The following BLOC1S3 variants were observed in gnomAD, a reference collection of about 807,000 sequenced individuals.
BLOC1S3 encodes biogenesis of lysosome-related organelles complex 1 subunit 3.
A neutral mutation model predicts 9.1 loss-of-function variants in BLOC1S3; 7 were observed. The observed-to-expected ratio is 0.77, with a 90% CI of 0.44 to 1.45. The LOEUF (loss-of-function observed/expected upper bound fraction) is 1.45. Ranked by LOEUF, BLOC1S3 falls within the 40% of genes most tolerant of loss-of-function variation. BLOC1S3 has a pLI of 0.01. For synonymous variants in BLOC1S3, 145 were observed against 158.4 expected (o/e 0.92, Z 0.64); for missense variants, 307 against 315.2 (o/e 0.97, Z 0.20).
chr19:45,201,862 T>G (rs532964908), intron 2 of BLOC1S3, among the ~76,000 whole-genome samples: 31 of 152,190 alleles, frequency 2.0e-4, no homozygotes, highest in South Asian at 1.5e-3. Flanking sequence ...TCTCATGAGA[T>G]CTGATGGCTT....
chr19:45,197,411 C>T (rs185787121), intron 2 of BLOC1S3, among the ~76,000 whole-genome samples: 3 of 148,942 alleles, frequency 2.0e-5, no homozygotes, highest in Admixed American at 6.7e-5. Flanking sequence ...CACTTGAACC[C>T]GGGAGGTGGA....
chr19:45,194,462 C>T (rs569778406), intron 2 of BLOC1S3, among the ~76,000 whole-genome samples: 20 of 152,054 alleles, frequency 1.3e-4, no homozygotes, highest in African/African-American at 3.9e-4. Context: ...CTAATACACC[C>T]GCGATCGTTC....
downstream of BLOC1S3, among the ~76,000 whole-genome samples, chr19:45,183,773 C>T (rs1029181003): frequency 2.6e-5 from 4 of 151,654 alleles, no homozygotes; most frequent in Admixed American, 6.6e-5. Context: ...ATTATAGGCA[C>T]GTGCCACCAT....
chr19:45,185,747 C>T (rs545307379), downstream of BLOC1S3, among the ~76,000 whole-genome samples: 23 of 151,770 alleles, frequency 1.5e-4, no homozygotes, highest in African/African-American at 5.6e-4. Context: ...GGCTTTGTCC[C>T]AAGGGCCCTG....
chr19:45,179,534 C>A lies in BLOC1S3; in HGVS notation c.238C>A (p.Leu80Met). 6.6e-7 allele frequency: 1 copy of A among 1,522,932 alleles called. No homozygotes were observed. The highest frequency in any genetic ancestry group is 8.8e-7 in the Non-Finnish European group (1 of 1,142,560). The allele number at this position is 1,522,932 out of a possible 1,614,324, so 94.3% of individuals were successfully genotyped here. ...EPEPTAAPRD[L>M]PPLVVQRESA... is the part of the protein sequence containing the mutation. ...GGAACCGACGGCCGCGCCGAGGGAC[C>A]TGCCTCCACTCGTGGTGCAGCGGGA... The change falls in exon 2 of 2, where the codon CTG (leucine) becomes ATG (methionine). Residue 80 changes from leucine (L) to methionine (M), a missense_variant. Leu to Met is a conservative substitution (Grantham distance 15). Coordinates refer to ENST00000433642, the MANE Select transcript of BLOC1S3 (RefSeq NM_212550.5). This position sits in a 1 kb window ranked among gnomAD's most constrained non-coding sequence, Gnocchi z 4.6.
At chr19:45,194,789 G>C (rs568723500) in intron 2 of BLOC1S3, among the ~76,000 whole-genome samples, 58 of 152,294 alleles carry the variant, frequency 3.8e-4, no homozygotes, top group Non-Finnish European at 1.5e-5. Context: ...CAGGACAGCA[G>C]TTAATTGGGG....
At chr19:45,193,475 G>A (rs1051406791) in intron 2 of BLOC1S3, among the ~76,000 whole-genome samples, 2 of 151,940 alleles carry the variant, frequency 1.3e-5, no homozygotes, top group Admixed American at 6.6e-5. Context: ...TAAGACAGTC[G>A]ATGATGTCTG....
intron 2 of BLOC1S3, among the ~76,000 whole-genome samples, chr19:45,200,326 C>T (rs1055895986): frequency 2.6e-5 from 4 of 152,036 alleles, no homozygotes; most frequent in South Asian, 2.1e-4. Flanking sequence ...GGACTACAGG[C>T]GCCTACCACC....
chr19:45,186,283 T>A (rs1277193076), downstream of BLOC1S3, among the ~76,000 whole-genome samples: 1 of 152,174 alleles, frequency 6.6e-6, no homozygotes, highest in Admixed American at 6.5e-5. Flanking sequence ...ACACTTGAAT[T>A]ATTGGACTTC....
chr19:45,207,555 CAAAAAAAAA>C (rs58164218), intron 3 of BLOC1S3, among the ~76,000 whole-genome samples: 7 of 64,786 alleles, frequency 1.1e-4, no homozygotes, highest in South Asian at 9.5e-4. Flanking sequence ...GACTCTGTCT[CAAAAAAAAA>C]AAAAAAAAAA....
At chr19:45,184,903 CA>C (rs71338752), downstream of BLOC1S3, among the ~76,000 whole-genome samples, 6,385 of 47,716 alleles carry the variant, frequency 0.13, 13 homozygotes, top group Non-Finnish European at 0.2. Flanking sequence ...CTGTCTCAAA[CA>C]AAAAAAAAAA....
chr19:45,185,983 T>G (rs191807023), downstream of BLOC1S3, among the ~76,000 whole-genome samples: 1 of 152,098 alleles, frequency 6.6e-6, no homozygotes, highest in East Asian at 1.9e-4. Context: ...CGTGGTGGTG[T>G]GCACCTGTAA....
chr19:45,208,853 T>C (rs1386986214), intron 3 of BLOC1S3, among the ~76,000 whole-genome samples: 10 of 150,646 alleles, frequency 6.6e-5, no homozygotes, highest in Admixed American at 6.6e-4. Flanking sequence ...TAAAACTCAA[T>C]GAAAAAAAAT....
chr19:45,209,255 G>A (rs1406477538), intron 3 of BLOC1S3, among the ~76,000 whole-genome samples: 1 of 151,748 alleles, frequency 6.6e-6, no homozygotes, highest in Non-Finnish European at 1.5e-5. Context: ...CACCATGTTG[G>A]CCAGGCTGGT....
chr19:45,193,690 C>A (rs1349434644), intron 2 of BLOC1S3, among the ~76,000 whole-genome samples: 1 of 150,800 alleles, frequency 6.6e-6, no homozygotes, highest in Non-Finnish European at 1.5e-5. Flanking sequence ...TTTTGCTTGT[C>A]AAGGGCTAGA....
intron 2 of BLOC1S3, among the ~76,000 whole-genome samples, chr19:45,201,990 G>A (rs549017428): frequency 9.1e-4 from 138 of 152,068 alleles, no homozygotes; most frequent in African/African-American, 3.0e-3. Flanking sequence ...TTGGGAGGCC[G>A]AGGCGGGTGG....
intron 3 of BLOC1S3, chr19:45,215,922 TTAA>T (rs1969828592): frequency 9.0e-7 from 1 of 1,112,294 alleles, no homozygotes; most frequent in African/African-American, 1.6e-5. Flanking sequence ...GGAAATCTTA[TTAA>T]TAATGCCCTG....
At chr19:45,199,230 T>C (rs1033994006) in intron 2 of BLOC1S3, among the ~76,000 whole-genome samples, 3 of 151,978 alleles carry the variant, frequency 2.0e-5, no homozygotes, top group African/African-American at 7.2e-5. Context: ...CCAATCTCTC[T>C]ACTTTCTCTT....
downstream of BLOC1S3, among the ~76,000 whole-genome samples, chr19:45,182,741 C>T (rs535248944): frequency 1.3e-5 from 2 of 152,102 alleles, no homozygotes; most frequent in Non-Finnish European, 2.9e-5. Flanking sequence ...TGGTCTTGAA[C>T]TTCTGAGCTC....
Sources: allele counts gnomAD v4.1 joint callset (sites outside exome capture counted in the v4.1 genomes callset), GRCh38; gene constraint gnomAD v4.1.1; non-coding constraint Gnocchi (gnomAD v3.1); transcripts MANE v1.5; gene names NCBI Gene and HGNC (gene_info 2026-07-23, HGNC 2026-07-21).